The following CSMD1 variants were observed in gnomAD, a reference collection of about 807,000 sequenced individuals.
The protein encoded by CSMD1 is CUB and sushi domain-containing protein 1.
In CSMD1, 213 loss-of-function variants were observed where a neutral mutation model predicts 417.5. The ratio of observed to expected loss-of-function variants is 0.51; its 90% CI spans 0.46 to 0.57. The LOEUF (loss-of-function observed/expected upper bound fraction) is 0.57, where lower values mean the gene tolerates loss of function less well. CSMD1 is among the 20% of genes least tolerant of loss of function. The probability of loss-of-function intolerance (pLI) is 0.00; values close to 1 mark genes in which losing one functional copy is unlikely to be tolerated. For missense variants in CSMD1, 6,923 were observed against 4,529.7 expected, an observed-to-expected ratio of 1.53 and a Z score of -15.17; for synonymous variants, 2,862 against 1,736.8, an observed-to-expected ratio of 1.65 and a Z score of -16.11.
chr8:4,613,280 A>G (rs1196310574), intron 2 of CSMD1, among the ~76,000 whole-genome samples: 2 of 152,220 alleles, frequency 1.3e-5, no homozygotes, highest in African/African-American at 4.8e-5. Flanking sequence ...AAGGCACGCC[A>G]TCCATGCTCC....
chr8:3,841,668 G>C (rs147170926), intron 5 of CSMD1, among the ~76,000 whole-genome samples: 2 of 152,096 alleles, frequency 1.3e-5, no homozygotes, highest in African/African-American at 4.8e-5. Flanking sequence ...AAAAAACCAT[G>C]AATATGATTC....
rs1445495277 is a variant in CSMD1 at position 4,184,526 on chromosome 8, C to G, written c.416-152427G>C. On this transcript the variant is annotated intron_variant, in intron 3 of 69. Coordinates refer to ENST00000635120, the MANE Select transcript of CSMD1 (RefSeq NM_033225.6). ...CATGTATACACCATGGAATACTATG[C>G]AGCCATAAAAAAGGACAAGATTATG... Among the ~76,000 whole-genome samples the G allele has an allele frequency of 2.0e-5, 3 of 152,070 alleles. No individual in the cohort carries two copies. In the East Asian group the frequency reaches 5.8e-4, roughly 29 times the overall value.
intron 3 of CSMD1, among the ~76,000 whole-genome samples, chr8:4,393,922 A>G (rs1804030496): frequency 6.6e-6 from 1 of 152,214 alleles, no homozygotes; most frequent in South Asian, 2.1e-4. Context: ...TCCGTTAGCT[A>G]GATTGTAAGA....
Position 3,819,699 on chromosome 8 carries a change from A to G in CSMD1, c.819-65657T>C, listed in dbSNP as rs192448541. On this transcript the variant is annotated intron_variant, in intron 5 of 69. Coordinates refer to ENST00000635120, the MANE Select transcript of CSMD1 (RefSeq NM_033225.6). ...ACTGGGGGTCTTAGGTGATCCTCCAATCTCAGCCTCCTGGGGAACTGGGAC... is the reference window on the plus strand; with the variant it reads ...ACTGGGGGTCTTAGGTGATCCTCCAGTCTCAGCCTCCTGGGGAACTGGGAC... Among the ~76,000 whole-genome samples, 368 of 152,220 alleles carry G rather than the reference A, an allele frequency of 2.4e-3. 1 individual carries two copies. Among genetic ancestry groups the G allele is most frequent in the African/African-American group, 8.6e-3 (357 of 41,520 alleles).
Position 3,512,096 on chromosome 8 carries a change from C to T in CSMD1, c.1345-18370G>A, listed in dbSNP as rs147319127. On this transcript the variant is annotated intron_variant, in intron 10 of 69. Coordinates refer to ENST00000635120, the MANE Select transcript of CSMD1 (RefSeq NM_033225.6). ...TTACTTTTACTCTGTGATTTGACCT[C>T]CTCATATTTCTCATCCTGCCTGGAC... Among the ~76,000 whole-genome samples, 460 of 152,244 alleles carry T rather than the reference C, an allele frequency of 3.0e-3. 1 individual carries two copies. The highest frequency in any genetic ancestry group is 5.1e-3 in the Non-Finnish European group (345 of 68,008).
At chr8:3,349,449 C>G (rs1303983272) in intron 21 of CSMD1, among the ~76,000 whole-genome samples, 1 of 151,862 alleles carries the variant, frequency 6.6e-6, no homozygotes, top group East Asian at 1.9e-4. Flanking sequence ...AGGAGAAAGT[C>G]AGAGAGGAGA....
rs544878194 is a variant in CSMD1 at position 4,133,767 on chromosome 8, C to G, written c.416-101668G>C. On this transcript the variant is annotated intron_variant, in intron 3 of 69. Transcript: ENST00000635120. ...TTTATTATTTTATATCCCTGATAAT[C>G]TGATTTAAATATATCCCTTATCTAT... Among the ~76,000 whole-genome samples, 5 of 152,148 alleles carry G rather than the reference C, an allele frequency of 3.3e-5. No individual in the cohort carries two copies. The South Asian group carries it at 8.3e-4, about 25-fold the overall frequency.
intron 7 of CSMD1, among the ~76,000 whole-genome samples, chr8:3,670,067 T>C (rs1798907299): frequency 3.3e-5 from 5 of 152,182 alleles, no homozygotes. Context: ...TGATGGTTAA[T>C]ACTGAGTGTC....
chr8:3,618,347 C>A (rs998708503), intron 7 of CSMD1, among the ~76,000 whole-genome samples: 2 of 152,136 alleles, frequency 1.3e-5, no homozygotes, highest in African/African-American at 2.4e-5. Flanking sequence ...ATTTGGGTAA[C>A]ATAATCCTTC....
intron 1 of CSMD1, among the ~76,000 whole-genome samples, chr8:4,664,468 G>C (rs996015690): frequency 2.0e-5 from 3 of 152,116 alleles, no homozygotes; most frequent in Admixed American, 1.3e-4. Context: ...GCTAAGGTGG[G>C]AGGACTGCTT....
chr8:4,766,359 A>C (rs754744843), intron 1 of CSMD1, among the ~76,000 whole-genome samples: 10 of 152,180 alleles, frequency 6.6e-5, no homozygotes, highest in Non-Finnish European at 1.2e-4. Flanking sequence ...GTTAGGACAC[A>C]AGAAGAAATT....
rs117825545 is a variant in CSMD1 at position 4,457,227 on chromosome 8, T to G, written c.303-37162A>C. Among the ~76,000 whole-genome samples, 102 of 152,282 alleles carry G rather than the reference T, an allele frequency of 6.7e-4. 1 individual carries two copies. The highest frequency in any genetic ancestry group is 1.2e-3 in the Non-Finnish European group (85 of 68,030). On this transcript the variant is annotated intron_variant, in intron 2 of 69. Transcript: ENST00000635120. Reference sequence around the variant, plus strand: ...TGTGGAGGGAAGGGGGGAACTCATCTTTCCCATTCTCAACCAAGTGGTTTT... The same window carrying G: ...TGTGGAGGGAAGGGGGGAACTCATCGTTCCCATTCTCAACCAAGTGGTTTT...
chr8:4,837,283 G>C (rs888560574), intron 1 of CSMD1, among the ~76,000 whole-genome samples: 1 of 152,160 alleles, frequency 6.6e-6, no homozygotes, highest in Non-Finnish European at 1.5e-5. Context: ...CACATCAAGA[G>C]ATAATCTGCA....
intron 9 of CSMD1, among the ~76,000 whole-genome samples, chr8:3,579,308 T>C (rs1473528202): frequency 1.3e-5 from 2 of 151,354 alleles, no homozygotes; most frequent in Non-Finnish European, 2.9e-5. Context: ...AAGTATAAAA[T>C]AGGTTTGTTT....
At chr8:4,236,058 T>TTTTTTTTTTTTTTTA (rs1802039264) in intron 3 of CSMD1, among the ~76,000 whole-genome samples, 1 of 144,734 alleles carries the variant, frequency 6.9e-6, no homozygotes, top group African/African-American at 2.6e-5. Flanking sequence ...TTTTTTTTTT[T>TTTTTTTTTTTTTTTA]TTTTTTTTTT....
chr8:4,686,306 G>A (rs1295314438), intron 1 of CSMD1, among the ~76,000 whole-genome samples: 1 of 152,164 alleles, frequency 6.6e-6, no homozygotes, highest in Non-Finnish European at 1.5e-5. Flanking sequence ...GAACATATAT[G>A]CAATCATGCC....
At chr8:3,575,124 C>T in intron 9 of CSMD1, 58 bp from the exon 10 acceptor site, 1 of 1,487,654 alleles carries the variant, frequency 6.7e-7, no homozygotes, top group Non-Finnish European at 9.1e-7. Context: ...TTGGTAAAGA[C>T]ATAACATTTA....
intron 1 of CSMD1, among the ~76,000 whole-genome samples, chr8:4,796,895 G>A (rs985839076): frequency 7.2e-5 from 11 of 152,154 alleles, no homozygotes; most frequent in African/African-American, 2.2e-4. Flanking sequence ...CAACTGAAAC[G>A]CTATGGACAC....
chr8:4,633,093 CG>C (rs1253649634), intron 2 of CSMD1, among the ~76,000 whole-genome samples: 3 of 152,054 alleles, frequency 2.0e-5, no homozygotes, highest in African/African-American at 7.2e-5. Flanking sequence ...TCAGTGTTCC[CG>C]AGAGGGGAGC....
Sources: allele counts gnomAD v4.1 joint callset (sites outside exome capture counted in the v4.1 genomes callset), GRCh38; gene constraint gnomAD v4.1.1; transcripts MANE v1.5; gene names NCBI Gene and HGNC (gene_info 2026-07-23, HGNC 2026-07-21).